INPP4B: variants seen among roughly 807,000 people sequenced by gnomAD.
INPP4B encodes the protein inositol polyphosphate 4-phosphatase type II.
In INPP4B, 55 loss-of-function variants were observed where a neutral mutation model predicts 122.5. The ratio of observed to expected loss-of-function variants is 0.45; its 90% CI spans 0.36 to 0.56. The LOEUF (loss-of-function observed/expected upper bound fraction) is 0.56, where lower values mean the gene tolerates loss of function less well. Among genes scored for constraint, INPP4B ranks in the 20% least tolerant of loss-of-function variants. The probability of loss-of-function intolerance (pLI) is 0.00; values close to 1 mark genes in which losing one functional copy is unlikely to be tolerated. For missense variants in INPP4B, 1,000 were observed against 1,097.7 expected (o/e 0.91, Z 1.26); for synonymous variants, 403 against 388.7 (o/e 1.04, Z -0.43).
intron 15 of INPP4B, among the ~76,000 whole-genome samples, chr4:142,177,235 A>G (rs1020845472): frequency 2.8e-5 from 4 of 141,464 alleles, no homozygotes; most frequent in South Asian, 2.4e-4. Context: ...GGTGTCCAGG[A>G]TGAAAGGATG....
chr4:142,600,617 G>A (rs746647928), intron 2 of INPP4B, among the ~76,000 whole-genome samples: 2 of 151,884 alleles, frequency 1.3e-5, no homozygotes, highest in Non-Finnish European at 2.9e-5. Context: ...TCACAAGGAC[G>A]ATCAAGAGAA....
intron 7 of INPP4B, among the ~76,000 whole-genome samples, chr4:142,343,635 A>T (rs1779383808): frequency 6.6e-6 from 1 of 152,096 alleles, no homozygotes; most frequent in African/African-American, 2.4e-5. Flanking sequence ...AATGACCAAT[A>T]GCTCAAAATC....
intron 18 of INPP4B, among the ~76,000 whole-genome samples, chr4:142,127,360 G>T (rs1799085396): frequency 6.6e-6 from 1 of 152,046 alleles, no homozygotes; most frequent in Admixed American, 6.6e-5. Flanking sequence ...ATTTAAAGGA[G>T]AAAACTTTGC....
chr4:142,255,519 G>C (rs1735354055), intron 11 of INPP4B, among the ~76,000 whole-genome samples: 1 of 151,984 alleles, frequency 6.6e-6, no homozygotes. Flanking sequence ...GATCTACCAA[G>C]CAAATGGAAA....
chr4:142,666,344 A>G (rs1019346146), intron 2 of INPP4B, among the ~76,000 whole-genome samples: 9 of 152,146 alleles, frequency 5.9e-5, no homozygotes, highest in African/African-American at 2.2e-4. Flanking sequence ...CAAGAAATGC[A>G]TATAAAAAGT....
chr4:142,662,493 G>C (rs910774690), intron 2 of INPP4B, among the ~76,000 whole-genome samples: 3 of 152,110 alleles, frequency 2.0e-5, no homozygotes, highest in African/African-American at 7.2e-5. Context: ...CGGGGAGGTG[G>C]CTGCACAATT....
intron 2 of INPP4B, among the ~76,000 whole-genome samples, chr4:142,554,729 T>C (rs1728782546): frequency 2.6e-5 from 4 of 152,226 alleles, no homozygotes; most frequent in Admixed American, 2.0e-4. Flanking sequence ...AGAATTTCAT[T>C]TTAATGTAAT....
rs1561488767 is a variant in INPP4B, at chr4:142,208,988, T to C, written c.875A>G (p.His292Arg). The C allele has an allele frequency of 2.5e-6, 4 of 1,605,794 alleles. No homozygotes were observed. Among genetic ancestry groups the C allele is most frequent in the Non-Finnish European group, 2.6e-6 (3 of 1,174,704 alleles). The part of the protein sequence containing the change: ...EIKELGELSP[H>R]WDNLRKNVLT... ...GACATTTTTTCGCAGATTGTCCCAATGTGGAGAAAGCTCACCAAGTTCTTT... is the reference window on the plus strand; with the variant it reads ...GACATTTTTTCGCAGATTGTCCCAACGTGGAGAAAGCTCACCAAGTTCTTT... Residue 292 changes from histidine (H) to arginine (R), a missense_variant, in exon 13 of 26, where the codon CAT becomes CGT. His to Arg is a conservative substitution (Grantham distance 29). Transcript: ENST00000262992.
At chr4:142,610,696 C>T (rs963488992) in intron 2 of INPP4B, among the ~76,000 whole-genome samples, 4 of 152,032 alleles carry the variant, frequency 2.6e-5, no homozygotes, top group Non-Finnish European at 5.9e-5. Context: ...ACGTGATCAC[C>T]AACTTTGAAA....
At chr4:142,287,355 A>C (rs1421710529) in intron 9 of INPP4B, 1 of 152,210 alleles carries the variant, frequency 6.6e-6, no homozygotes, top group African/African-American at 2.4e-5. Context: ...ATCTAAATAC[A>C]AAATACCTCC....
At chr4:142,201,840 C>T (rs1440231554) in intron 14 of INPP4B, among the ~76,000 whole-genome samples, 2 of 151,888 alleles carry the variant, frequency 1.3e-5, no homozygotes, top group African/African-American at 4.8e-5. Context: ...TTTTATTGTA[C>T]CCTGCTCTTT....
At chr4:142,117,188 A>C (rs1007479650) in intron 21 of INPP4B, among the ~76,000 whole-genome samples, 1 of 152,070 alleles carries the variant, frequency 6.6e-6, no homozygotes, top group Non-Finnish European at 1.5e-5. Flanking sequence ...CCAACCAAAA[A>C]AGTCCAGGAC....
chr4:142,749,161 T>C, intron 1 of INPP4B, among the ~76,000 whole-genome samples: 1 of 147,278 alleles, frequency 6.8e-6, no homozygotes, highest in Non-Finnish European at 1.5e-5. Context: ...ATATAAAATA[T>C]ATATTATGTA....
At chr4:142,629,982 A>T (rs1210323242) in intron 2 of INPP4B, among the ~76,000 whole-genome samples, 2 of 152,120 alleles carry the variant, frequency 1.3e-5, no homozygotes, top group East Asian at 3.9e-4. Context: ...TAGGGCCTAC[A>T]CTAAACATTG....
At chr4:142,262,873 T>TACAATGAAA (rs1215579413) in intron 10 of INPP4B, among the ~76,000 whole-genome samples, 1 of 152,166 alleles carries the variant, frequency 6.6e-6, no homozygotes, top group African/African-American at 2.4e-5. Context: ...GCTGATAAAC[T>TACAATGAAA]ACAATGAAAA....
chr4:142,823,690 C>T (rs1781074352), intron 1 of INPP4B, among the ~76,000 whole-genome samples: 1 of 152,114 alleles, frequency 6.6e-6, no homozygotes, highest in South Asian at 2.1e-4. Context: ...GTCTTTAGGA[C>T]ACAACTGACT....
intron 2 of INPP4B, among the ~76,000 whole-genome samples, chr4:142,508,519 C>T (rs1264274201): frequency 1.3e-5 from 2 of 152,136 alleles, no homozygotes; most frequent in African/African-American, 4.8e-5. Context: ...GAGTGGTCTG[C>T]CCCCTCGGCC....
At chr4:142,309,138 A>C (rs907876711) in intron 8 of INPP4B, among the ~76,000 whole-genome samples, 1 of 152,190 alleles carries the variant, frequency 6.6e-6, no homozygotes, top group Admixed American at 6.5e-5. Context: ...AAAATAAAAC[A>C]TCTCCCATAA....
chr4:142,353,195 T>A (rs1298915293), intron 7 of INPP4B, among the ~76,000 whole-genome samples: 1 of 152,012 alleles, frequency 6.6e-6, no homozygotes, highest in African/African-American at 2.4e-5. Context: ...TATTAAAACG[T>A]CTACAGGTAA....
Sources: gnomAD v4.1 joint callset for allele counts (sites outside exome capture counted in the v4.1 genomes callset) on GRCh38, gnomAD v4.1.1 for gene constraint, MANE v1.5 for transcripts, NCBI Gene and HGNC (gene_info 2026-07-23, HGNC 2026-07-21) for gene names.